The following PRIMA1 variants were observed in gnomAD, a reference collection of about 807,000 sequenced individuals.
The protein encoded by PRIMA1 is proline-rich membrane anchor 1.
A neutral mutation model predicts 17.5 loss-of-function variants in PRIMA1; 7 were observed. The ratio of observed to expected loss-of-function variants is 0.40; its 90% CI spans 0.23 to 0.75. The LOEUF is 0.75. Among genes scored for constraint, PRIMA1 ranks in the 30% least tolerant of loss-of-function variants. PRIMA1 has a pLI of 0.37. For synonymous variants in PRIMA1, 97 were observed against 77.9 expected (o/e 1.25, Z -1.29); for missense variants, 200 against 201.8 (o/e 0.99, Z 0.05).
chr14:93,775,626 G>A (rs1234798332), intron 3 of PRIMA1, among the ~76,000 whole-genome samples: 8 of 152,198 alleles, frequency 5.3e-5, no homozygotes, highest in Admixed American at 2.0e-4. Context: ...GGATGTGGCC[G>A]TAGCTCTGAC....
intron 4 of PRIMA1, among the ~76,000 whole-genome samples, chr14:93,728,244 T>A (rs944997090): frequency 6.6e-6 from 1 of 152,032 alleles, no homozygotes; most frequent in Non-Finnish European, 1.5e-5. Flanking sequence ...TGGCACCAGG[T>A]TGGTAGTCAT....
chr14:93,750,059 G>A (rs368618220), intron 3 of PRIMA1, among the ~76,000 whole-genome samples: 1 of 152,154 alleles, frequency 6.6e-6, no homozygotes, highest in East Asian at 1.9e-4. Flanking sequence ...GCACATGCCT[G>A]TAGTCCCTGC....
intron 3 of PRIMA1, among the ~76,000 whole-genome samples, chr14:93,762,509 C>A (rs771394853): frequency 4.6e-5 from 7 of 152,040 alleles, no homozygotes; most frequent in Non-Finnish European, 8.8e-5. Context: ...CCATCAGAAC[C>A]AGGCTGACTC....
intron 4 of PRIMA1, among the ~76,000 whole-genome samples, chr14:93,729,182 T>A (rs1025078728): frequency 1.3e-5 from 2 of 152,218 alleles, no homozygotes; most frequent in African/African-American, 4.8e-5. Context: ...CTCCTTGAAT[T>A]CAGCCCAGGT....
chr14:93,773,580 T>C (rs1201264606), intron 3 of PRIMA1, among the ~76,000 whole-genome samples: 1 of 152,114 alleles, frequency 6.6e-6, no homozygotes. Context: ...AAAGTGAGGG[T>C]TGTGGGCAGA....
At chr14:93,744,552 C>T (rs1000996179) in intron 3 of PRIMA1, among the ~76,000 whole-genome samples, 3 of 152,246 alleles carry the variant, frequency 2.0e-5, no homozygotes, top group Admixed American at 6.5e-5. Flanking sequence ...CAAAATCAGA[C>T]CTCGATGCCT....
intron 2 of PRIMA1, among the ~76,000 whole-genome samples, chr14:93,787,310 T>G (rs1885552242): frequency 6.6e-6 from 1 of 152,180 alleles, no homozygotes; most frequent in South Asian, 2.1e-4. Flanking sequence ...CTTGGGATCA[T>G]TTTTCTTTGT....
intron 3 of PRIMA1, among the ~76,000 whole-genome samples, chr14:93,756,529 C>A (rs760044562): frequency 6.6e-6 from 1 of 152,106 alleles, no homozygotes; most frequent in Non-Finnish European, 1.5e-5. Flanking sequence ...AGCTCCTGGC[C>A]CCGGACCCCG....
intron 4 of PRIMA1, among the ~76,000 whole-genome samples, chr14:93,735,515 C>T (rs28436837): frequency 0.023 from 3,428 of 152,190 alleles, 132 homozygotes; most frequent in African/African-American, 0.079. Flanking sequence ...GCAGCCACAG[C>T]GGGCTGCCAG....
chr14:93,770,442 C>T (rs756273348), intron 3 of PRIMA1, among the ~76,000 whole-genome samples: 69 of 152,334 alleles, frequency 4.5e-4, no homozygotes, highest in Middle Eastern at 3.4e-3. Flanking sequence ...GCAGCAGCCA[C>T]GCTGGCTCTT....
intron 3 of PRIMA1, among the ~76,000 whole-genome samples, chr14:93,759,940 C>G (rs1368948719): frequency 6.6e-6 from 1 of 152,246 alleles, no homozygotes; most frequent in Non-Finnish European, 1.5e-5. Flanking sequence ...TGAACCTTTA[C>G]TGGGCTCCTC....
chr14:93,728,019 C>T (rs747134015), intron 4 of PRIMA1, among the ~76,000 whole-genome samples: 2 of 152,208 alleles, frequency 1.3e-5, no homozygotes, highest in Non-Finnish European at 2.9e-5. Flanking sequence ...GGCACTGCTT[C>T]GGGGGCTCCT....
chr14:93,722,673 TGA>T (rs2076048198), intron 4 of PRIMA1, among the ~76,000 whole-genome samples: 1 of 146,808 alleles, frequency 6.8e-6, no homozygotes, highest in African/African-American at 2.5e-5. Context: ...GCGGTAATGA[TGA>T]TGGGGTGATG....
At chr14:93,747,393 C>G (rs967947181) in intron 3 of PRIMA1, among the ~76,000 whole-genome samples, 1 of 152,046 alleles carries the variant, frequency 6.6e-6, no homozygotes, top group Non-Finnish European at 1.5e-5. Flanking sequence ...AAGCCGGATT[C>G]GGGGAGTCAA....
chr14:93,752,791 T>C (rs1324112351), intron 3 of PRIMA1, among the ~76,000 whole-genome samples: 2 of 152,164 alleles, frequency 1.3e-5, no homozygotes, highest in Non-Finnish European at 2.9e-5. Context: ...GGCACTGTCA[T>C]CGAAGCCCTT....
chr14:93,732,451 G>A (rs113643085), intron 4 of PRIMA1, among the ~76,000 whole-genome samples: 3 of 152,188 alleles, frequency 2.0e-5, no homozygotes, highest in African/African-American at 7.2e-5. Flanking sequence ...TGCCCTGGAC[G>A]GACACTCGTG....
intron 4 of PRIMA1, among the ~76,000 whole-genome samples, 181 bp downstream of exon 4, chr14:93,737,060 A>G (rs2076154136): frequency 6.6e-6 from 1 of 152,246 alleles, no homozygotes; most frequent in South Asian, 2.1e-4. Context: ...ATACAGCAAA[A>G]TCTTGATGAA....
intron 3 of PRIMA1, among the ~76,000 whole-genome samples, chr14:93,776,464 G>A (rs1358759749): frequency 6.6e-6 from 1 of 152,144 alleles, no homozygotes; most frequent in Non-Finnish European, 1.5e-5. Context: ...CCTGGTTTCA[G>A]GCCCTCTTGG....
At chr14:93,724,259 A>G (rs2076060967) in intron 4 of PRIMA1, among the ~76,000 whole-genome samples, 1 of 152,212 alleles carries the variant, frequency 6.6e-6, no homozygotes, top group Non-Finnish European at 1.5e-5. Context: ...GAGATTCTGC[A>G]GAGTCCTCCA....
Sources: allele counts gnomAD v4.1 joint callset (sites outside exome capture counted in the v4.1 genomes callset), GRCh38; gene constraint gnomAD v4.1.1; transcripts MANE v1.5; gene names NCBI Gene and HGNC (gene_info 2026-07-23, HGNC 2026-07-21).